USP33: variants seen among roughly 807,000 people sequenced by gnomAD.
USP33 encodes the protein ubiquitin specific peptidase 33.
In USP33, 46 loss-of-function variants were observed where a neutral mutation model predicts 124.2. The ratio of observed to expected loss-of-function variants is 0.37; its 90% CI spans 0.29 to 0.47. The LOEUF (loss-of-function observed/expected upper bound fraction) is 0.47, where lower values mean the gene tolerates loss of function less well. Ranked by LOEUF, USP33 falls within the 20% of genes least tolerant of loss-of-function variation. USP33 has a pLI of 0.99. For synonymous variants in USP33, 350 were observed against 352.3 expected (o/e 0.99, Z 0.07); for missense variants, 851 against 1,070.6 (o/e 0.79, Z 2.86).
At chr1:77,735,604 C>T (rs1242585325) in intron 6 of USP33, among the ~76,000 whole-genome samples, 3 of 152,122 alleles carry the variant, frequency 2.0e-5, no homozygotes, top group Non-Finnish European at 4.4e-5. Context: ...TAAGCTTATA[C>T]TAAGAACAGT....
rs1274632495 is a variant in USP33 at position 77,730,656 on chromosome 1, A to G, written c.600T>C (p.Ser200=). The G allele has an allele frequency of 1.9e-6, 3 of 1,597,642 alleles. No individual in the cohort carries two copies. In the South Asian group the frequency reaches 3.4e-5, roughly 18 times the overall value. Residue 200 remains serine, a synonymous_variant, in exon 8 of 24, where the codon AGT becomes AGC. Coordinates refer to ENST00000370794, the MANE Select transcript of USP33 (RefSeq NM_201624.3). ...RTDKKPAICK[S]YLKLMTELWH... ...ACAGCTCTGTCATTAGTTTGAGATA[A>G]CTTTTACAAATGGCAGGTTTCTTAT...
rs1163133774 is a variant in USP33 at position 77,713,192 on chromosome 1, A to C, written c.2297+8T>G. The C allele has an allele frequency of 6.3e-7, 1 of 1,598,154 alleles. No homozygotes were observed. The highest frequency in any genetic ancestry group is 8.5e-7 in the Non-Finnish European group (1 of 1,175,372). ...ACAACACTGTATGGTCTGATTTAAA[A>C]AACAAACCTGCTATATAGGTTATCC... On this transcript the variant is annotated splice_region_variant and intron_variant, in intron 20 of 23. Coordinates refer to ENST00000370794, the MANE Select transcript of USP33 (RefSeq NM_201624.3).
At chr1:77,702,141 C>CAAAAAAAAAAAAAAAAAAAAAAAAAAA (rs58750531) in intron 21 of USP33, among the ~76,000 whole-genome samples, 14 of 15,784 alleles carry the variant, frequency 8.9e-4, no homozygotes, top group African/African-American at 1.7e-3. Flanking sequence ...GACCCTGTCT[C>CAAAAAAAAAAAAAAAAAAAAAAAAAAA]AAAAAAAAAA....
In USP33 at chr1:77,740,956, A is replaced by G. The variant is rs530246869; in HGVS notation, c.136-17T>C. The G allele has an allele frequency of 3.2e-5, 48 of 1,480,778 alleles. No individual in the cohort carries two copies. In the South Asian group the frequency reaches 5.9e-4, roughly 18 times the overall value. The allele number at this position is 1,480,778 out of a possible 1,614,324, so 91.7% of individuals were successfully genotyped here. ...ACATCTATTCTATAAATAATTATAT[A>G]GGAAGAAAAATAAGGTACTTTATAA... On this transcript the variant is annotated splice_polypyrimidine_tract_variant and intron_variant, in intron 3 of 23. Transcript: ENST00000370794.
intron 4 of USP33, 45 bp from the exon 5 acceptor site, chr1:77,739,462 T>C (rs1472714132): frequency 2.6e-6 from 4 of 1,517,158 alleles, no homozygotes; most frequent in Middle Eastern, 3.5e-4. Context: ...CAAAATTACA[T>C]ATACTTGAAA....
intron 21 of USP33, among the ~76,000 whole-genome samples, chr1:77,708,939 G>A (rs1319048724): frequency 2.6e-5 from 4 of 151,804 alleles, no homozygotes; most frequent in African/African-American, 7.3e-5. Context: ...TCTTGCCTCC[G>A]CCTCCTGAAT....
intron 15 of USP33, chr1:77,720,458 A>G (rs1676453891): frequency 1.0e-6 from 1 of 985,474 alleles, no homozygotes; most frequent in Non-Finnish European, 1.2e-6. Context: ...TTTCATCTTT[A>G]TCAACCAAAT....
In USP33 at chr1:77,725,444, T is replaced by C. The variant is rs557707291; in HGVS notation, c.1276+178A>G. Among the ~76,000 whole-genome samples the C allele has an allele frequency of 1.1e-4, 16 of 152,330 alleles. No individual in the cohort carries two copies. The South Asian group carries it at 3.3e-3, about 32-fold the overall frequency. On this transcript the variant is annotated intron_variant, in intron 11 of 23. Transcript: ENST00000370794. Reference sequence around the variant, plus strand: ...AAAGTGAATTCAACTGTATGTAAAATTTTAAAAGCAGAGTACCAACACACA... The same window carrying C: ...AAAGTGAATTCAACTGTATGTAAAACTTTAAAAGCAGAGTACCAACACACA...
chr1:77,732,171 T>C (rs1429283411), intron 7 of USP33, among the ~76,000 whole-genome samples: 1 of 152,034 alleles, frequency 6.6e-6, no homozygotes, highest in Non-Finnish European at 1.5e-5. Flanking sequence ...TCGGCAAAGT[T>C]ATTTAAACTT....
intron 1 of USP33, among the ~76,000 whole-genome samples, chr1:77,756,166 C>T (rs1374786747): frequency 1.3e-5 from 2 of 152,108 alleles, no homozygotes; most frequent in African/African-American, 4.8e-5. Context: ...TGGACTTGAA[C>T]TTCTGGGCTC....
intron 19 of USP33, among the ~76,000 whole-genome samples, chr1:77,714,310 T>C (rs971712224): frequency 2.0e-5 from 3 of 152,220 alleles, no homozygotes; most frequent in Admixed American, 6.5e-5. Flanking sequence ...TGTTTATGTA[T>C]CTTACTCTAC....
intron 21 of USP33, among the ~76,000 whole-genome samples, chr1:77,709,691 A>T (rs1242431578): frequency 1.3e-5 from 2 of 151,588 alleles, no homozygotes; most frequent in East Asian, 3.9e-4. Context: ...ACAGCTAGGT[A>T]TGATCAATCC....
chr1:77,698,029 C>G lies in USP33; in HGVS notation c.2510-98G>C. 3.6e-6 allele frequency: 3 copies of G among 842,340 alleles called. No individual in the cohort carries two copies. In the South Asian group the frequency reaches 5.1e-5, roughly 14 times the overall value. The allele number at this position is 842,340 out of a possible 1,614,324, so 52.2% of individuals were successfully genotyped here. On this transcript the variant is annotated intron_variant, in intron 22 of 23. Transcript: ENST00000370794. Reference sequence around the variant, plus strand: ...AAATTGTGACCTATAACTACATTATCAGACTGGTTATTTCTCAGGCAAATT... The same window carrying G: ...AAATTGTGACCTATAACTACATTATGAGACTGGTTATTTCTCAGGCAAATT...
intron 16 of USP33, 34 bp downstream of exon 16, chr1:77,718,562 C>T (rs1415013924): frequency 4.0e-6 from 6 of 1,508,642 alleles, no homozygotes; most frequent in Non-Finnish European, 5.5e-6. Context: ...GTTCCTACCA[C>T]ACAATATAAG....
intron 1 of USP33, chr1:77,745,529 C>T (rs188597097): frequency 6.6e-6 from 1 of 152,184 alleles, no homozygotes; most frequent in South Asian, 2.1e-4. Flanking sequence ...ATGGTCTTTA[C>T]AATTTGGCAT....
At chr1:77,709,168 T>G (rs968427419) in intron 21 of USP33, among the ~76,000 whole-genome samples, 1 of 152,204 alleles carries the variant, frequency 6.6e-6, no homozygotes, top group South Asian at 2.1e-4. Context: ...TATACCAATA[T>G]GGATGCAGTA....
intron 21 of USP33, among the ~76,000 whole-genome samples, chr1:77,709,559 ATATATC>A (rs1268995997): frequency 6.6e-6 from 1 of 150,878 alleles, no homozygotes; most frequent in Non-Finnish European, 1.5e-5. Flanking sequence ...ATACATATCT[ATATATC>A]TATATTTTAT....
intron 6 of USP33, among the ~76,000 whole-genome samples, chr1:77,735,067 G>T (rs1183565788): frequency 6.6e-6 from 1 of 151,732 alleles, no homozygotes; most frequent in Non-Finnish European, 1.5e-5. Flanking sequence ...AGCTTGCAGT[G>T]AGCCGAGATT....
At chr1:77,750,308 G>T (rs948289406) in intron 1 of USP33, among the ~76,000 whole-genome samples, 5 of 144,816 alleles carry the variant, frequency 3.5e-5, no homozygotes, top group Admixed American at 6.9e-5. Flanking sequence ...ACAGAGCAAG[G>T]CTCCATCTCC....
Sources: allele counts gnomAD v4.1 joint callset (sites outside exome capture counted in the v4.1 genomes callset), GRCh38; gene constraint gnomAD v4.1.1; transcripts MANE v1.5; gene names NCBI Gene and HGNC (gene_info 2026-07-23, HGNC 2026-07-21).